Variants in DYNC2H1 observed in about 807,000 individuals in gnomAD.
DYNC2H1 encodes dynein cytoplasmic 2 heavy chain 1.
DYNC2H1 carries 410 observed loss-of-function variants against 570.0 expected under a neutral mutation model. That is an observed-to-expected ratio of 0.72 (90% CI 0.66 to 0.78). The LOEUF (loss-of-function observed/expected upper bound fraction) is 0.78, where lower values mean the gene tolerates loss of function less well. Among genes scored for constraint, DYNC2H1 ranks in the 30% least tolerant of loss-of-function variants. DYNC2H1 has a pLI of 0.00. For missense variants in DYNC2H1, 4,865 were observed against 5,046.4 expected (o/e 0.96, Z 1.09); for synonymous variants, 1,688 against 1,677.6 (o/e 1.01, Z -0.15).
intron 59 of DYNC2H1, among the ~76,000 whole-genome samples, chr11:103,224,427 A>G (rs1489090037): frequency 6.6e-6 from 1 of 151,860 alleles, no homozygotes; most frequent in African/African-American, 2.4e-5. Context: ...CCGAGTCTCC[A>G]AAGTCCAATG....
Position 103,186,358 on chromosome 11 carries a change from T to G in DYNC2H1, c.6750T>G (p.Thr2250=). The change falls in exon 42 of 89, where the codon ACT becomes ACG. Residue 2250 remains threonine, a synonymous_variant. Transcript: ENST00000375735. This position sits in a 1 kb window ranked among gnomAD's most constrained non-coding sequence, Gnocchi z 4.5. ...TGCTTAAGAAGCCAGAAGACTTGAC[T>G]GCTGATGATTTCAGTAACGGCTTAA... ...TYVLKKPEDL[T]ADDFSNGLTL... 1 of 1,612,896 alleles carries G rather than the reference T, an allele frequency of 6.2e-7. No homozygotes were observed. Among genetic ancestry groups the G allele is most frequent in the Non-Finnish European group, 8.5e-7 (1 of 1,179,202 alleles).
In DYNC2H1 at chr11:103,199,934, G is replaced by C. The variant is rs996146357; in HGVS notation, c.8089-112G>C. The stretch of plus-strand genomic sequence containing the variant: ...TTTAATTATTAAAATGGAAATAAAT[G>C]AATAAATAAACACATGATACTGGCA... On this transcript the variant is annotated intron_variant, in intron 49 of 88. Coordinates refer to ENST00000375735, the MANE Select transcript of DYNC2H1 (RefSeq NM_001377.3). This position sits in a 1 kb window ranked among gnomAD's most constrained non-coding sequence, Gnocchi z 4.6. The C allele has an allele frequency of 8.7e-6, 6 of 693,052 alleles. No individual in the cohort carries two copies. Among genetic ancestry groups the C allele is most frequent in the Non-Finnish European group, 1.4e-5 (6 of 427,196 alleles). 42.9% of individuals were successfully genotyped at this position (693,052 alleles called of 1,614,324 possible). A position where few individuals can be genotyped will look rare whatever the true frequency, so the allele number is the denominator to read the frequency against.
chr11:103,343,022 C>T (rs1350308947), intron 82 of DYNC2H1, among the ~76,000 whole-genome samples: 1 of 152,138 alleles, frequency 6.6e-6, no homozygotes, highest in African/African-American at 2.4e-5. Flanking sequence ...AAGTGACTAG[C>T]ACGGCCACTG....
At chr11:103,471,734 C>A (rs1945394994) in intron 88 of DYNC2H1, among the ~76,000 whole-genome samples, 1 of 151,968 alleles carries the variant, frequency 6.6e-6, no homozygotes, top group Admixed American at 6.6e-5. Context: ...TATGCTGAAC[C>A]CTGGGGTTAC....
At chr11:103,192,409 C>A in intron 47 of DYNC2H1, 145 bp downstream of exon 47, 1 of 560,318 alleles carries the variant, frequency 1.8e-6, no homozygotes, top group Non-Finnish European at 2.7e-6. Flanking sequence ...ACAGCTCAGT[C>A]TTTTTTGCTG....
In DYNC2H1 at chr11:103,211,839, G is replaced by T; in HGVS notation, c.8590G>T (p.Ala2864Ser). Residue 2864 changes from alanine to serine, a missense_variant, in exon 54 of 89, where the codon GCA becomes TCA. Coordinates refer to ENST00000375735, the MANE Select transcript of DYNC2H1 (RefSeq NM_001377.3). ...SFLLIHESCK[A>S]YGATPSRYMT... The stretch of plus-strand genomic sequence containing the variant: ...TTTATTAATCCATGAATCTTGTAAA[G>T]CATATGGTGCTACACCAAGCCGATA... 2.0e-6 allele frequency: 3 copies of T among 1,470,378 alleles called. No individual in the cohort carries two copies. Among genetic ancestry groups the T allele is most frequent in the Non-Finnish European group, 1.8e-6 (2 of 1,107,588 alleles). The allele number at this position is 1,470,378 out of a possible 1,614,324, so 91.1% of individuals were successfully genotyped here.
Position 103,133,605 on chromosome 11 carries a change from T to C in DYNC2H1, c.2004T>C (p.Pro668=), listed in dbSNP as rs1184772315. ...AATCACAGATAACTTGGGATAATCC[T>C]AAAGAATTAGAAGGCTATATCCAAA... The part of the protein sequence containing the change: ...GGKSQITWDN[P]KELEGYIQKL... Residue 668 remains proline, a synonymous_variant, in exon 14 of 89, where the codon CCT becomes CCC. Coordinates refer to ENST00000375735, the MANE Select transcript of DYNC2H1 (RefSeq NM_001377.3). The surrounding 1 kb of genome is among the most constrained non-coding windows in gnomAD (Gnocchi z 4.8). 6.2e-7 allele frequency: 1 copy of C among 1,611,876 alleles called. No homozygotes were observed. The highest frequency in any genetic ancestry group is 2.2e-5 in the East Asian group (1 of 44,810).
chr11:103,240,359 A>G (rs11225622), intron 63 of DYNC2H1, among the ~76,000 whole-genome samples: 2,889 of 152,268 alleles, frequency 0.019, 41 homozygotes, highest in Non-Finnish European at 0.028. Context: ...GTTAGCTTAG[A>G]TCATCTAATC....
intron 52 of DYNC2H1, among the ~76,000 whole-genome samples, chr11:103,207,202 T>G (rs921982269): frequency 1.3e-5 from 2 of 149,760 alleles, no homozygotes; most frequent in East Asian, 4.0e-4. Flanking sequence ...ATTATAGGCG[T>G]GAGCTACCGT....
At chr11:103,335,030 AC>A (rs1939042291) in intron 82 of DYNC2H1, among the ~76,000 whole-genome samples, 1 of 152,124 alleles carries the variant, frequency 6.6e-6, no homozygotes, top group African/African-American at 2.4e-5. Flanking sequence ...GCCCATGATT[AC>A]CATATGTATT....
In DYNC2H1 at chr11:103,305,999, C is replaced by T. The variant is rs915625129; in HGVS notation, c.11382+1279C>T. On this transcript the variant is annotated intron_variant, in intron 77 of 88. Transcript: ENST00000375735. The surrounding 1 kb of genome is among the most constrained non-coding windows in gnomAD (Gnocchi z 4.3). ...CAAGTTTGGCTCACTGCAACCTCCA[C>T]CTCCCAAGTTCAAATGATTCTCGTG... Among the ~76,000 whole-genome samples the T allele has an allele frequency of 2.5e-4, 38 of 152,152 alleles. No individual in the cohort carries two copies. The highest frequency in any genetic ancestry group is 8.7e-4 in the African/African-American group (36 of 41,432).
Position 103,177,501 on chromosome 11 carries a change from A to G in DYNC2H1, c.5875-55A>G. 6.5e-7 allele frequency: 1 copy of G among 1,534,690 alleles called. No homozygotes were observed. The highest frequency in any genetic ancestry group is 1.3e-5 in the South Asian group (1 of 78,794). ...ACAAGTGTTACAGAATAAAAGCAGA[A>G]CTAAGTATGATTGAATATTATAAAT... On this transcript the variant is annotated intron_variant, in intron 37 of 88. Transcript: ENST00000375735. This position sits in a 1 kb window ranked among gnomAD's most constrained non-coding sequence, Gnocchi z 4.4.
At chr11:103,392,739 T>G (rs1453379482) in intron 83 of DYNC2H1, among the ~76,000 whole-genome samples, 1 of 152,048 alleles carries the variant, frequency 6.6e-6, no homozygotes, top group Non-Finnish European at 1.5e-5. Context: ...GAGGCAAAGA[T>G]AAACTTTTCA....
At chr11:103,174,030 G>T (rs1450161179) in intron 35 of DYNC2H1, 25 bp from the exon 36 acceptor site, 4 of 1,506,536 alleles carry the variant, frequency 2.7e-6, no homozygotes. Flanking sequence ...TATTTGATGT[G>T]TTGATTTCCA....
Position 103,280,947 on chromosome 11 carries a change from T to A in DYNC2H1, c.10761+534T>A, listed in dbSNP as rs1478727035. Among the ~76,000 whole-genome samples the A allele has an allele frequency of 6.6e-6, 1 of 151,902 alleles. No individual in the cohort carries two copies. The highest frequency in any genetic ancestry group is 1.5e-5 in the Non-Finnish European group (1 of 67,914). On this transcript the variant is annotated intron_variant, in intron 71 of 88. Transcript: ENST00000375735. The surrounding 1 kb of genome is among the most constrained non-coding windows in gnomAD (Gnocchi z 4.7). ...CCCCTTCTCAAACTTTAAAAGGACCTCCCTTGAGCTGGAGCTAACGAGACC... is the reference window on the plus strand; with the variant it reads ...CCCCTTCTCAAACTTTAAAAGGACCACCCTTGAGCTGGAGCTAACGAGACC...
chr11:103,418,001 A>G (rs1440075464), intron 84 of DYNC2H1, among the ~76,000 whole-genome samples: 1 of 151,998 alleles, frequency 6.6e-6, no homozygotes, highest in Non-Finnish European at 1.5e-5. Context: ...AAAAAAAAAA[A>G]AAAACTTTAG....
intron 83 of DYNC2H1, among the ~76,000 whole-genome samples, chr11:103,368,493 C>A (rs1219034449): frequency 6.6e-6 from 1 of 151,732 alleles, no homozygotes; most frequent in Admixed American, 6.6e-5. Flanking sequence ...GGATATTAAC[C>A]CCTAATTAGA....
chr11:103,371,133 C>T (rs963009908), intron 83 of DYNC2H1, among the ~76,000 whole-genome samples: 1 of 151,944 alleles, frequency 6.6e-6, no homozygotes, highest in African/African-American at 2.4e-5. Flanking sequence ...AAGAATCAGG[C>T]AGAAATTCTT....
intron 83 of DYNC2H1, among the ~76,000 whole-genome samples, chr11:103,377,965 GC>G (rs1289281075): frequency 6.6e-6 from 1 of 152,150 alleles, no homozygotes; most frequent in African/African-American, 2.4e-5. Context: ...CGAACTCCTG[GC>G]CTCATGTGAT....
Sources: gnomAD v4.1 joint callset for allele counts (sites outside exome capture counted in the v4.1 genomes callset) on GRCh38, gnomAD v4.1.1 for gene constraint, Gnocchi (gnomAD v3.1) non-coding constraint, MANE v1.5 for transcripts, NCBI Gene and HGNC (gene_info 2026-07-23, HGNC 2026-07-21) for gene names.